Variants in LDB2 observed in about 807,000 individuals in gnomAD.
LDB2 encodes LIM domain-binding protein 2.
A neutral mutation model predicts 44.3 loss-of-function variants in LDB2; 12 were observed. The ratio of observed to expected loss-of-function variants is 0.27; its 90% CI spans 0.17 to 0.44. LDB2 has a LOEUF of 0.44. Among genes scored for constraint, LDB2 ranks in the 20% least tolerant of loss-of-function variants. LDB2 has a pLI of 1.00. For synonymous variants in LDB2, 164 were observed against 174.8 expected (o/e 0.94, Z 0.49); for missense variants, 344 against 473.5 (o/e 0.73, Z 2.54).
chr4:16,754,083 C>T (rs1377409722), intron 2 of LDB2, among the ~76,000 whole-genome samples: 2 of 152,184 alleles, frequency 1.3e-5, no homozygotes, highest in Non-Finnish European at 2.9e-5. Flanking sequence ...TACACTATTT[C>T]CCCACTAACC....
chr4:16,559,979 C>T (rs978046090), intron 5 of LDB2, among the ~76,000 whole-genome samples: 18 of 152,104 alleles, frequency 1.2e-4, no homozygotes, highest in African/African-American at 3.6e-4. Context: ...GGGTACATAA[C>T]AAAATGAAGG....
chr4:16,865,080 G>T (rs12512062), intron 1 of LDB2, among the ~76,000 whole-genome samples: 1 of 151,584 alleles, frequency 6.6e-6, no homozygotes, highest in Admixed American at 6.6e-5. Flanking sequence ...GTGAAACCCC[G>T]TCTCGTCTAA....
At chr4:16,702,539 AG>A (rs1372714146) in intron 2 of LDB2, among the ~76,000 whole-genome samples, 1 of 152,184 alleles carries the variant, frequency 6.6e-6, no homozygotes, top group Non-Finnish European at 1.5e-5. Flanking sequence ...TGAAGGTGAA[AG>A]AAGCTGCTTC....
At chr4:16,525,587 A>G (rs187020327) in intron 5 of LDB2, among the ~76,000 whole-genome samples, 72 of 152,282 alleles carry the variant, frequency 4.7e-4, no homozygotes, top group African/African-American at 1.7e-3. Flanking sequence ...CATTCATTCA[A>G]CACCTACTTA....
At chr4:16,780,799 C>T (rs943439549) in intron 1 of LDB2, among the ~76,000 whole-genome samples, 1 of 151,240 alleles carries the variant, frequency 6.6e-6, no homozygotes, top group African/African-American at 2.4e-5. Context: ...TGCTTTATTA[C>T]TTTTTAAAAT....
At chr4:16,559,944 A>T (rs1741412593) in intron 5 of LDB2, among the ~76,000 whole-genome samples, 1 of 152,194 alleles carries the variant, frequency 6.6e-6, no homozygotes, top group Admixed American at 6.5e-5. Flanking sequence ...ATGGAAACTG[A>T]ACAACCTGCT....
intron 1 of LDB2, among the ~76,000 whole-genome samples, chr4:16,878,663 A>G (rs570615972): frequency 6.6e-6 from 1 of 152,358 alleles, no homozygotes; most frequent in East Asian, 1.9e-4. Flanking sequence ...TCCTATCTGT[A>G]GTCAAACACG....
intron 5 of LDB2, among the ~76,000 whole-genome samples, chr4:16,576,168 T>A (rs1239006298): frequency 1.3e-5 from 2 of 152,058 alleles, no homozygotes; most frequent in African/African-American, 4.8e-5. Context: ...AACCTAACAA[T>A]GCATCTTAAA....
intron 2 of LDB2, among the ~76,000 whole-genome samples, chr4:16,638,688 A>G (rs1734294771): frequency 6.6e-6 from 1 of 152,218 alleles, no homozygotes; most frequent in Non-Finnish European, 1.5e-5. Context: ...TCATTCAGCA[A>G]AAACATATCC....
intron 1 of LDB2, among the ~76,000 whole-genome samples, chr4:16,896,602 T>A (rs1725092807): frequency 6.6e-6 from 1 of 152,170 alleles, no homozygotes; most frequent in Admixed American, 6.5e-5. Context: ...GGTGGACAGG[T>A]CATTTTTAAA....
At chr4:16,727,942 C>G (rs1476258367) in intron 2 of LDB2, among the ~76,000 whole-genome samples, 1 of 152,172 alleles carries the variant, frequency 6.6e-6, no homozygotes, top group Non-Finnish European at 1.5e-5. Context: ...GGTTTACAGT[C>G]TAACCATTCT....
intron 1 of LDB2, among the ~76,000 whole-genome samples, chr4:16,801,396 C>CA (rs909809020): frequency 1.4e-4 from 22 of 151,822 alleles, no homozygotes; most frequent in East Asian, 9.7e-4. Flanking sequence ...CAGTGAGACT[C>CA]AAAAAAAACT....
chr4:16,543,148 A>G (rs1263224150), intron 5 of LDB2, among the ~76,000 whole-genome samples: 2 of 152,120 alleles, frequency 1.3e-5, no homozygotes, highest in African/African-American at 2.4e-5. Flanking sequence ...TATATGTGCC[A>G]CATTTCCTTA....
chr4:16,574,783 G>A (rs1025699024), intron 5 of LDB2, among the ~76,000 whole-genome samples: 1 of 152,160 alleles, frequency 6.6e-6, no homozygotes, highest in Non-Finnish European at 1.5e-5. Context: ...CTTTCAAACT[G>A]TGGTCCATCT....
chr4:16,556,990 CA>C (rs1348836664), intron 5 of LDB2, among the ~76,000 whole-genome samples: 1 of 151,974 alleles, frequency 6.6e-6, no homozygotes, highest in African/African-American at 2.4e-5. Context: ...TTATCATATC[CA>C]CAGATTATTC....
At position 16,574,361 on chromosome 4, in the gene LDB2, G is replaced by A. The variant is rs569693681; in HGVS notation, c.615+11561C>T. Reference sequence around the variant, plus strand: ...TGTGATAACACTTGTACTGGGGAGAGGTGCCAAATACAGGCACATGTTCCA... The same window carrying A: ...TGTGATAACACTTGTACTGGGGAGAAGTGCCAAATACAGGCACATGTTCCA... On this transcript the variant is annotated intron_variant, in intron 5 of 7. Transcript: ENST00000304523. Among the ~76,000 whole-genome samples the A allele has an allele frequency of 1.5e-3, 224 of 152,254 alleles. 1 individual carries two copies. Among genetic ancestry groups the A allele is most frequent in the Admixed American group, 2.6e-3 (40 of 15,300 alleles).
chr4:16,637,202 G>C (rs1014849300), intron 2 of LDB2, among the ~76,000 whole-genome samples: 1 of 149,860 alleles, frequency 6.7e-6, no homozygotes, highest in South Asian at 2.1e-4. Context: ...GGAGGTTTAA[G>C]TTACAAAACT....
intron 2 of LDB2, among the ~76,000 whole-genome samples, chr4:16,614,053 C>T (rs1205640916): frequency 1.3e-5 from 2 of 152,170 alleles, no homozygotes; most frequent in Non-Finnish European, 2.9e-5. Context: ...CAGCATGATA[C>T]TTGTACCAAA....
chr4:16,788,892 C>G (rs1321714409), intron 1 of LDB2, among the ~76,000 whole-genome samples: 2 of 152,162 alleles, frequency 1.3e-5, no homozygotes, highest in African/African-American at 4.8e-5. Context: ...CTGGGGAAGC[C>G]AGCAGCCCAC....
Sources: allele counts gnomAD v4.1 joint callset (sites outside exome capture counted in the v4.1 genomes callset), GRCh38; gene constraint gnomAD v4.1.1; transcripts MANE v1.5; gene names NCBI Gene and HGNC (gene_info 2026-07-23, HGNC 2026-07-21).